Variants in CNTNAP2 observed in about 807,000 individuals in gnomAD.
The protein encoded by CNTNAP2 is contactin associated protein 2.
CNTNAP2 carries 98 observed loss-of-function variants against 155.2 expected under a neutral mutation model. That is an observed-to-expected ratio of 0.63 (90% CI 0.54 to 0.75). CNTNAP2 has a LOEUF of 0.75. Ranked by LOEUF, CNTNAP2 falls within the 30% of genes least tolerant of loss-of-function variation. The pLI is 0.00. For missense variants in CNTNAP2, 1,727 were observed against 1,688.1 expected (o/e 1.02, Z -0.40); for synonymous variants, 651 against 631.2 (o/e 1.03, Z -0.47).
intron 1 of CNTNAP2, among the ~76,000 whole-genome samples, chr7:146,562,284 A>G (rs1176856335): frequency 1.3e-5 from 2 of 152,018 alleles, no homozygotes; most frequent in Non-Finnish European, 2.9e-5. Flanking sequence ...ATTAAAATAA[A>G]TTTTACTTAT....
At chr7:147,233,782 ATG>A (rs10603365) in intron 8 of CNTNAP2, among the ~76,000 whole-genome samples, 60,686 of 151,530 alleles carry the variant, frequency 0.4, 12,537 homozygotes, top group Non-Finnish European at 0.43. Context: ...ATTAATGAAA[ATG>A]TATATGTCTA....
At chr7:146,227,172 T>C (rs1478602050) in intron 1 of CNTNAP2, among the ~76,000 whole-genome samples, 1 of 152,118 alleles carries the variant, frequency 6.6e-6, no homozygotes, top group Non-Finnish European at 1.5e-5. Flanking sequence ...ACGCCTGTAT[T>C]CCCAGCTCTT....
At chr7:147,429,082 C>T (rs1285653933) in intron 10 of CNTNAP2, among the ~76,000 whole-genome samples, 1 of 151,926 alleles carries the variant, frequency 6.6e-6, no homozygotes, top group Non-Finnish European at 1.5e-5. Flanking sequence ...CCATCTCCAT[C>T]CAGATTTCTG....
chr7:147,974,184 G>A (rs1801385461), intron 14 of CNTNAP2, among the ~76,000 whole-genome samples: 1 of 149,502 alleles, frequency 6.7e-6, no homozygotes, highest in South Asian at 2.1e-4. Context: ...ATTCCTATAA[G>A]GTTATACACA....
intron 12 of CNTNAP2, among the ~76,000 whole-genome samples, chr7:147,624,450 A>AT (rs1794931751): frequency 6.6e-6 from 1 of 152,176 alleles, no homozygotes; most frequent in Admixed American, 6.5e-5. Context: ...TTGGCCAAAG[A>AT]CTTAAATAGA....
At chr7:146,966,157 C>G (rs1056036034) in intron 3 of CNTNAP2, among the ~76,000 whole-genome samples, 1 of 152,234 alleles carries the variant, frequency 6.6e-6, no homozygotes. Context: ...GCAACTTCTA[C>G]TTTAAGCCTT....
At chr7:146,241,783 C>G (rs1799566528) in intron 1 of CNTNAP2, among the ~76,000 whole-genome samples, 1 of 151,826 alleles carries the variant, frequency 6.6e-6, no homozygotes, top group South Asian at 2.1e-4. Flanking sequence ...TAAGAAGAAT[C>G]CTACAGCCTC....
intron 15 of CNTNAP2, among the ~76,000 whole-genome samples, chr7:148,085,067 A>G (rs975853918): frequency 8.5e-5 from 13 of 152,254 alleles, no homozygotes; most frequent in Admixed American, 5.2e-4. Context: ...TGAGATGTCT[A>G]TGAATTAATG....
chr7:146,565,853 A>G (rs1416578303), intron 1 of CNTNAP2, among the ~76,000 whole-genome samples: 2 of 152,392 alleles, frequency 1.3e-5, no homozygotes, highest in East Asian at 3.9e-4. Flanking sequence ...AGGAAAAGAT[A>G]AACTCTCATG....
Position 146,713,195 on chromosome 7 carries a change from A to G in CNTNAP2, c.98-61076A>G, listed in dbSNP as rs137875405. 3.7e-4 allele frequency among the ~76,000 whole-genome samples: 57 copies of G among 152,344 alleles called. No individual in the cohort carries two copies. The East Asian group carries it at 0.01, about 27-fold the overall frequency. On this transcript the variant is annotated intron_variant, in intron 1 of 23. Transcript: ENST00000361727. ...AGTACAAAATACTGAAAGAATTAAC[A>G]GAATGAGAAAAGGAAGCATTAAATT...
At chr7:147,714,089 G>A (rs922015595) in intron 13 of CNTNAP2, among the ~76,000 whole-genome samples, 2 of 151,936 alleles carry the variant, frequency 1.3e-5, no homozygotes, top group African/African-American at 4.8e-5. Flanking sequence ...TTTATATATG[G>A]CATCTTATTA....
At chr7:147,260,696 T>C (rs1426665100) in intron 8 of CNTNAP2, among the ~76,000 whole-genome samples, 1 of 152,182 alleles carries the variant, frequency 6.6e-6, no homozygotes, top group African/African-American at 2.4e-5. Flanking sequence ...TGTACAATGT[T>C]CTTTGAAAGC....
intron 3 of CNTNAP2, among the ~76,000 whole-genome samples, chr7:146,926,498 G>A (rs1051068221): frequency 5.9e-5 from 9 of 151,994 alleles, no homozygotes; most frequent in African/African-American, 1.2e-4. Flanking sequence ...AGCACTTATC[G>A]TGATGCCTGA....
intron 20 of CNTNAP2, among the ~76,000 whole-genome samples, chr7:148,246,168 T>G (rs1468341292): frequency 6.6e-6 from 1 of 152,248 alleles, no homozygotes; most frequent in African/African-American, 2.4e-5. Flanking sequence ...CCTCTGATGA[T>G]GCCAATGTTT....
chr7:146,652,069 GAAC>G (rs1438029020), intron 1 of CNTNAP2, among the ~76,000 whole-genome samples: 4 of 152,060 alleles, frequency 2.6e-5, no homozygotes, highest in South Asian at 2.1e-4. Flanking sequence ...ACGATAAATT[GAAC>G]AACAATGCAA....
At chr7:146,149,773 A>G (rs938120955) in intron 1 of CNTNAP2, among the ~76,000 whole-genome samples, 1 of 152,068 alleles carries the variant, frequency 6.6e-6, no homozygotes, top group African/African-American at 2.4e-5. Flanking sequence ...ACCTAAATAT[A>G]AAATCTTAAG....
chr7:147,358,360 G>A (rs931755978), intron 9 of CNTNAP2, among the ~76,000 whole-genome samples: 1 of 151,988 alleles, frequency 6.6e-6, no homozygotes, highest in Admixed American at 6.6e-5. Context: ...ATATCATATG[G>A]TAATTATATT....
chr7:146,132,539 A>C (rs1797731314), intron 1 of CNTNAP2, among the ~76,000 whole-genome samples: 1 of 148,126 alleles, frequency 6.8e-6, no homozygotes, highest in Admixed American at 6.7e-5. Context: ...AGCATTAGGT[A>C]TATCTCCCAA....
chr7:147,954,983 T>C (rs370260990), intron 14 of CNTNAP2, among the ~76,000 whole-genome samples: 13 of 152,344 alleles, frequency 8.5e-5, no homozygotes, highest in East Asian at 1.9e-4. Context: ...CTACACCCAC[T>C]TTTTTCTTCC....
Sources: allele counts gnomAD v4.1 joint callset (sites outside exome capture counted in the v4.1 genomes callset), GRCh38; gene constraint gnomAD v4.1.1; transcripts MANE v1.5; gene names NCBI Gene and HGNC (gene_info 2026-07-23, HGNC 2026-07-21).